SLC44A3: variants seen among roughly 807,000 people sequenced by gnomAD.
SLC44A3 encodes solute carrier family 44 member 3.
In SLC44A3, 74 loss-of-function variants were observed where a neutral mutation model predicts 75.4. The observed-to-expected ratio is 0.98, with a 90% CI of 0.81 to 1.19. The LOEUF (loss-of-function observed/expected upper bound fraction) is 1.19, where lower values mean the gene tolerates loss of function less well. Ranked by LOEUF, SLC44A3 falls within the 50% of genes most tolerant of loss-of-function variation. The pLI, the probability that SLC44A3 is intolerant of heterozygous loss-of-function variation, is 0.00. For synonymous variants in SLC44A3, 310 were observed against 296.9 expected (o/e 1.04, Z -0.45); for missense variants, 700 against 778.6 (o/e 0.90, Z 1.20).
chr1:94,894,713 C>A, intron 14 of SLC44A3, 105 bp from the exon 15 acceptor site: 1 of 873,168 alleles, frequency 1.1e-6, no homozygotes, highest in Non-Finnish European at 1.8e-6. Context: ...TAAGTTAATT[C>A]TTCAGCAAAC....
intron 9 of SLC44A3, among the ~76,000 whole-genome samples, chr1:94,854,212 G>A (rs1364672080): frequency 6.6e-6 from 1 of 152,224 alleles, no homozygotes; most frequent in Non-Finnish European, 1.5e-5. Flanking sequence ...ACTATTTGCA[G>A]GAGGTTGCTT....
intron 8 of SLC44A3, among the ~76,000 whole-genome samples, chr1:94,844,705 T>C (rs932847409): frequency 2.0e-5 from 3 of 152,040 alleles, no homozygotes; most frequent in African/African-American, 7.2e-5. Flanking sequence ...GAAGAATGAG[T>C]TGGGGTATGG....
chr1:94,892,231 T>C (rs773536030), intron 13 of SLC44A3, 50 bp from the exon 14 acceptor site: 16 of 1,539,352 alleles, frequency 1.0e-5, no homozygotes, highest in Non-Finnish European at 1.3e-5. Flanking sequence ...GACAAAAACA[T>C]CTAAGCAACT....
In SLC44A3 at chr1:94,864,962, G is replaced by A; in HGVS notation, c.1395+63G>A. 2.6e-6 allele frequency: 4 copies of A among 1,557,474 alleles called. No homozygotes were observed. In the South Asian group the frequency reaches 4.7e-5, roughly 18 times the overall value. Reference sequence around the variant, plus strand: ...TGGGTTGCCAGAAACTTAATTACTGGAAAACTACAGCAGGTCCCAGGACAG... The same window carrying A: ...TGGGTTGCCAGAAACTTAATTACTGAAAAACTACAGCAGGTCCCAGGACAG... On this transcript the variant is annotated intron_variant, in intron 11 of 14. Coordinates refer to ENST00000271227, the MANE Select transcript of SLC44A3 (RefSeq NM_001114106.3).
intron 10 of SLC44A3, among the ~76,000 whole-genome samples, chr1:94,861,552 T>C (rs1437255774): frequency 6.6e-6 from 1 of 152,226 alleles, no homozygotes; most frequent in Non-Finnish European, 1.5e-5. Context: ...ACACAATGAT[T>C]TATTTTTAGC....
chr1:94,892,638 T>A (rs1670346977), intron 14 of SLC44A3, 121 bp downstream of exon 14: 1 of 959,626 alleles, frequency 1.0e-6, no homozygotes, highest in Non-Finnish European at 1.6e-6. Context: ...CTCTGAGGCT[T>A]CTACTACCCC....
chr1:94,820,380 G>C lies in SLC44A3; in HGVS notation c.-72G>C, dbSNP rs1160159682. 1.5e-6 allele frequency: 2 copies of C among 1,311,724 alleles called. No homozygotes were observed. The highest frequency in any genetic ancestry group is 3.6e-5 in the Admixed American group (1 of 27,688). 81.3% of individuals were successfully genotyped at this position (1,311,724 alleles called of 1,614,324 possible). On this transcript the variant is annotated 5_prime_UTR_variant, in exon 1 of 15. Transcript: ENST00000271227. ...CCAGCCCCGGCCCCGGCCCCGGCTCGCGGGCGCTGCGTCTCCGCGTACAGG... is the reference window on the plus strand; with the variant it reads ...CCAGCCCCGGCCCCGGCCCCGGCTCCCGGGCGCTGCGTCTCCGCGTACAGG...
chr1:94,835,746 G>A (rs566997973), intron 5 of SLC44A3, among the ~76,000 whole-genome samples: 36 of 152,158 alleles, frequency 2.4e-4, no homozygotes, highest in African/African-American at 7.5e-4. Flanking sequence ...GAGCTCAGCC[G>A]CAAATTCCAT....
In SLC44A3 at chr1:94,820,406, A is replaced by AGGCGGC; in HGVS notation, c.-39_-34dup. 1.4e-6 allele frequency: 2 copies of AGGCGGC among 1,439,022 alleles called. No homozygotes were observed. Among genetic ancestry groups the AGGCGGC allele is most frequent in the Admixed American group, 2.6e-5 (1 of 38,622 alleles). 89.1% of individuals were successfully genotyped at this position (1,439,022 alleles called of 1,614,324 possible). ...CGGGCGCTGCGTCTCCGCGTACAGG[A>AGGCGGC]GGCGGCGGCGGCTCCCAGTCACCGG... is the stretch of plus-strand genomic sequence containing the variant. On this transcript the variant is annotated 5_prime_UTR_variant, in exon 1 of 15. Transcript: ENST00000271227.
chr1:94,886,878 G>A (rs1669649938), intron 12 of SLC44A3, among the ~76,000 whole-genome samples: 1 of 152,028 alleles, frequency 6.6e-6, no homozygotes, highest in African/African-American at 2.4e-5. Flanking sequence ...GCCAACTTGG[G>A]AATCCTTCCT....
chr1:94,857,038 C>T (rs540331383), intron 9 of SLC44A3, among the ~76,000 whole-genome samples: 1 of 152,258 alleles, frequency 6.6e-6, no homozygotes, highest in African/African-American at 2.4e-5. Context: ...GCCTACTTGC[C>T]TCTTCTAAAC....
intron 12 of SLC44A3, among the ~76,000 whole-genome samples, chr1:94,890,719 C>T (rs761163012): frequency 1.3e-5 from 2 of 152,128 alleles, no homozygotes; most frequent in African/African-American, 2.4e-5. Flanking sequence ...TGGTGGCTCT[C>T]GCCTGTAATC....
intron 5 of SLC44A3, among the ~76,000 whole-genome samples, chr1:94,834,993 G>T (rs946939553): frequency 2.6e-5 from 4 of 152,218 alleles, no homozygotes; most frequent in Non-Finnish European, 5.9e-5. Flanking sequence ...GATTCTATGA[G>T]AAAGGCACTT....
chr1:94,842,803 C>G, intron 8 of SLC44A3, among the ~76,000 whole-genome samples: 1 of 152,242 alleles, frequency 6.6e-6, no homozygotes, highest in East Asian at 1.9e-4. Flanking sequence ...GGAGCAGCTG[C>G]AGCCAGGGGT....
intron 3 of SLC44A3, among the ~76,000 whole-genome samples, chr1:94,826,385 C>T (rs1661345077): frequency 1.3e-5 from 2 of 152,180 alleles, no homozygotes; most frequent in Non-Finnish European, 2.9e-5. Flanking sequence ...GGTGCAGTGG[C>T]TCATGCCTGT....
At chr1:94,827,988 G>A (rs370211225) in intron 4 of SLC44A3, among the ~76,000 whole-genome samples, 1 of 152,064 alleles carries the variant, frequency 6.6e-6, no homozygotes, top group East Asian at 1.9e-4. Flanking sequence ...GGGCACATCC[G>A]GTCCTAGAGA....
intron 12 of SLC44A3, 143 bp downstream of exon 12, chr1:94,867,560 A>T (rs1667308493): frequency 2.0e-6 from 1 of 498,744 alleles, no homozygotes; most frequent in Non-Finnish European, 3.4e-6. Context: ...TCTCTGTCAC[A>T]ACCACTCAAT....
At chr1:94,827,130 T>C (rs560306129) in intron 3 of SLC44A3, among the ~76,000 whole-genome samples, 1 of 152,334 alleles carries the variant, frequency 6.6e-6, no homozygotes, top group South Asian at 2.1e-4. Context: ...ATTTGAACAC[T>C]CTTGGGTACA....
chr1:94,894,768 C>T, intron 14 of SLC44A3, 50 bp from the exon 15 acceptor site: 13 of 1,499,556 alleles, frequency 8.7e-6, no homozygotes, highest in Non-Finnish European at 1.2e-5. Flanking sequence ...CCTACGTTAT[C>T]AACAGTACAG....
Sources: gnomAD v4.1 joint callset for allele counts (sites outside exome capture counted in the v4.1 genomes callset) on GRCh38, gnomAD v4.1.1 for gene constraint, MANE v1.5 for transcripts, NCBI Gene and HGNC (gene_info 2026-07-23, HGNC 2026-07-21) for gene names.